The following KDM7A variants were observed in gnomAD, a reference collection of about 807,000 sequenced individuals.
The protein encoded by KDM7A is lysine-specific demethylase 7A.
Under a neutral mutation model 114.8 loss-of-function variants are expected in KDM7A, and 28 were observed. The observed-to-expected ratio is 0.24, with a 90% CI of 0.18 to 0.33. The LOEUF (loss-of-function observed/expected upper bound fraction) is 0.33, where lower values mean the gene tolerates loss of function less well. KDM7A is among the 10% of genes least tolerant of loss of function. The pLI, the probability that KDM7A is intolerant of heterozygous loss-of-function variation, is 1.00. For synonymous variants in KDM7A, 423 were observed against 397.8 expected (o/e 1.06, Z -0.75); for missense variants, 942 against 1,142.5 (o/e 0.82, Z 2.53).
At chr7:140,170,079 T>C (rs903780969) in intron 1 of KDM7A, among the ~76,000 whole-genome samples, 1 of 152,216 alleles carries the variant, frequency 6.6e-6, no homozygotes, top group African/African-American at 2.4e-5. Context: ...AATAAGTTTA[T>C]GACACCAATC....
At chr7:140,127,831 G>A (rs1223552987) in intron 4 of KDM7A, among the ~76,000 whole-genome samples, 1 of 152,158 alleles carries the variant, frequency 6.6e-6, no homozygotes. Context: ...ATATAAAAGT[G>A]TATATGGCTT....
chr7:140,104,172 C>T (rs1214426787), intron 11 of KDM7A, among the ~76,000 whole-genome samples: 5 of 151,978 alleles, frequency 3.3e-5, no homozygotes, highest in East Asian at 3.9e-4. Flanking sequence ...GATTTTTTCT[C>T]GTAAATCTGT....
At chr7:140,139,289 C>T in intron 1 of KDM7A, 99 bp from the exon 2 acceptor site, 1 of 731,386 alleles carries the variant, frequency 1.4e-6, no homozygotes, top group Admixed American at 2.1e-5. Flanking sequence ...TGTACAACCA[C>T]CTCACCAACA....
intron 1 of KDM7A, among the ~76,000 whole-genome samples, chr7:140,150,508 C>T (rs951013456): frequency 2.0e-5 from 3 of 152,146 alleles, no homozygotes; most frequent in Non-Finnish European, 2.9e-5. Context: ...GAAAGATCTC[C>T]AAGATACGCT....
chr7:140,124,661 T>G lies in KDM7A; in HGVS notation c.1011A>C (p.Lys337Asn), dbSNP rs778973103. ...FFGDKVDKCYKCVVKQGHTLF... is the reference protein window; with the variant it reads ...FFGDKVDKCYNCVVKQGHTLF... The stretch of plus-strand genomic sequence containing the variant: ...AGGTATGTCCCTGCTTTACCACACA[T>G]TTGTAGCATTTATCCACCTTATCTC... Residue 337 changes from lysine to asparagine, a missense_variant, in exon 7 of 20, where the codon AAA becomes AAC. Around this residue, in one of 4 missense-constraint regions of KDM7A, gnomAD observed 318 missense variants for 453.1 expected, o/e 0.70. Coordinates refer to ENST00000397560, the MANE Select transcript of KDM7A (RefSeq NM_030647.2). 6.2e-6 allele frequency: 10 copies of G among 1,613,750 alleles called. No homozygotes were observed. The South Asian group carries it at 1.1e-4, about 18-fold the overall frequency.
At position 140,090,892 on chromosome 7, in the gene KDM7A, T is replaced by C; in HGVS notation, c.*202A>G. On this transcript the variant is annotated 3_prime_UTR_variant, in exon 20 of 20. Transcript: ENST00000397560. ...CTTTTTAAGGTTCTACCCTCCTTCTTCCTCTCCCCCACCAGGTCCAAAATG... is the reference window on the plus strand; with the variant it reads ...CTTTTTAAGGTTCTACCCTCCTTCTCCCTCTCCCCCACCAGGTCCAAAATG... 1 of 546,098 alleles carries C rather than the reference T, an allele frequency of 1.8e-6. No individual in the cohort carries two copies. Among genetic ancestry groups the C allele is most frequent in the Non-Finnish European group, 3.3e-6 (1 of 304,874 alleles). The allele number at this position is 546,098 out of a possible 1,614,324, so 33.8% of individuals were successfully genotyped here.
At chr7:140,115,223 G>GCCTCTGCC (rs1818506608) in intron 9 of KDM7A, among the ~76,000 whole-genome samples, 2 of 147,928 alleles carry the variant, frequency 1.4e-5, no homozygotes, top group Admixed American at 1.3e-4. Context: ...GGTAGGGGGC[G>GCCTCTGCC]CCTCTGCCCG....
intron 2 of KDM7A, among the ~76,000 whole-genome samples, chr7:140,134,011 A>C (rs578138772): frequency 6.5e-4 from 99 of 152,328 alleles, no homozygotes; most frequent in Non-Finnish European, 1.1e-3. Context: ...TAATATGATT[A>C]TCCAGATAAT....
intron 12 of KDM7A, among the ~76,000 whole-genome samples, chr7:140,100,661 TATATATATATATATATATACATATATAC>T (rs1177764976): frequency 1.2e-3 from 50 of 40,700 alleles, no homozygotes; most frequent in Admixed American, 2.4e-3. Context: ...TTTAAAAAGT[TATATATATATATATATATACATATATAC>T]ATATATATAT....
intron 1 of KDM7A, among the ~76,000 whole-genome samples, chr7:140,145,442 A>G (rs1366605915): frequency 6.6e-6 from 1 of 152,214 alleles, no homozygotes; most frequent in Non-Finnish European, 1.5e-5. Context: ...AAAGAGTAGA[A>G]TGTTCAGAAT....
Position 140,102,145 on chromosome 7 carries a change from G to C in KDM7A, c.1444C>G (p.Pro482Ala). 3 of 1,613,402 alleles carry C rather than the reference G, an allele frequency of 1.9e-6. No individual in the cohort carries two copies. The highest frequency in any genetic ancestry group is 2.5e-6 in the Non-Finnish European group (3 of 1,179,410). ...IRAIEEENGK[P>A]VKSQGIPIVC... ...ATAGGAATTCCCTGAGATTTAACTG[G>C]TTTGCCGTTTTCCTCCTTTAAGAAT... Residue 482 changes from proline (P) to alanine (A), a missense_variant, in exon 12 of 20, where the codon CCA (proline) becomes GCA (alanine). By Grantham distance (27) the Pro-to-Ala change is conservative (BLOSUM62 -1). Coordinates refer to ENST00000397560, the MANE Select transcript of KDM7A (RefSeq NM_030647.2).
At chr7:140,174,009 C>A (rs887769683) in intron 1 of KDM7A, among the ~76,000 whole-genome samples, 34 of 151,768 alleles carry the variant, frequency 2.2e-4, no homozygotes, top group African/African-American at 4.8e-4. Context: ...ACTAAAAATA[C>A]AAAAATTAGC....
At chr7:140,142,930 G>T (rs906309844) in intron 1 of KDM7A, among the ~76,000 whole-genome samples, 2 of 151,996 alleles carry the variant, frequency 1.3e-5, no homozygotes, top group Admixed American at 6.6e-5. Flanking sequence ...ATAAATGAAT[G>T]AAATCTACAA....
intron 1 of KDM7A, among the ~76,000 whole-genome samples, chr7:140,156,766 G>GT (rs1305302539): frequency 6.6e-6 from 1 of 152,236 alleles, no homozygotes; most frequent in African/African-American, 2.4e-5. Flanking sequence ...CTCAGACCAA[G>GT]TATCAGGTGC....
At chr7:140,128,775 T>C (rs1303410129) in intron 4 of KDM7A, among the ~76,000 whole-genome samples, 1 of 152,144 alleles carries the variant, frequency 6.6e-6, no homozygotes, top group African/African-American at 2.4e-5. Context: ...TCAAAATAGA[T>C]TTGGAATCTA....
intron 1 of KDM7A, among the ~76,000 whole-genome samples, chr7:140,168,260 A>G (rs1226604776): frequency 2.0e-5 from 3 of 152,132 alleles, no homozygotes; most frequent in Non-Finnish European, 4.4e-5. Context: ...TAGCAATCTA[A>G]CCTGAAGCTG....
At chr7:140,120,658 A>C (rs1818605407) in intron 7 of KDM7A, 129 bp from the exon 8 acceptor site, 1 of 585,004 alleles carries the variant, frequency 1.7e-6, no homozygotes, top group African/African-American at 1.9e-5. Context: ...TAGAGAAGTT[A>C]ATGTTTATTA....
intron 3 of KDM7A, among the ~76,000 whole-genome samples, chr7:140,131,515 G>A (rs1047093006): frequency 9.9e-5 from 15 of 152,126 alleles, no homozygotes; most frequent in African/African-American, 3.6e-4. Context: ...CCATCCTCTC[G>A]TAAGGCAAGG....
intron 8 of KDM7A, 41 bp from the exon 9 acceptor site, chr7:140,119,260 T>C: frequency 8.7e-7 from 1 of 1,153,672 alleles, no homozygotes; most frequent in Non-Finnish European, 1.2e-6. Flanking sequence ...AATATTAGAA[T>C]TTCAAAGTTA....
Sources: allele counts gnomAD v4.1 joint callset (sites outside exome capture counted in the v4.1 genomes callset), GRCh38; gene constraint gnomAD v4.1.1; regional missense constraint gnomAD v4.1.1; transcripts MANE v1.5; gene names NCBI Gene and HGNC (gene_info 2026-07-23, HGNC 2026-07-21).